COL11A1: variants seen among roughly 807,000 people sequenced by gnomAD.
The protein encoded by COL11A1 is collagen type XI alpha 1 chain.
COL11A1 carries 74 observed loss-of-function variants against 265.2 expected under a neutral mutation model. The ratio of observed to expected loss-of-function variants is 0.28; its 90% CI spans 0.23 to 0.34. The LOEUF is 0.34. COL11A1 is among the 10% of genes least tolerant of loss of function. The pLI is 1.00. For synonymous variants in COL11A1, 816 were observed against 727.6 expected (o/e 1.12, Z -1.96); for missense variants, 2,165 against 2,263.6 (o/e 0.96, Z 0.88).
chr1:102,983,727 A>T (rs1270085101), intron 31 of COL11A1, among the ~76,000 whole-genome samples: 1 of 152,072 alleles, frequency 6.6e-6, no homozygotes, highest in African/African-American at 2.4e-5. Context: ...CTGGAAAAAA[A>T]ATACTCATGG....
At chr1:103,107,975 T>TC in intron 1 of COL11A1, 98 bp downstream of exon 1, 1 of 846,760 alleles carries the variant, frequency 1.2e-6, no homozygotes, top group Non-Finnish European at 1.9e-6. Flanking sequence ...TTTTTTTTTT[T>TC]CTTGAAGAGC....
chr1:102,882,016 G>A (rs1023133169), intron 64 of COL11A1, among the ~76,000 whole-genome samples: 2 of 152,080 alleles, frequency 1.3e-5, no homozygotes, highest in Non-Finnish European at 2.9e-5. Context: ...AAAGGAAAAG[G>A]GGAAAGACAA....
rs1229091571 is a variant in COL11A1, at chr1:103,071,861, A to G, written c.651+2757T>C. Among the ~76,000 whole-genome samples the G allele has an allele frequency of 1.9e-4, 10 of 51,750 alleles. No homozygotes were observed. The East Asian group carries it at 5.6e-3, about 29-fold the overall frequency. The allele number at this position is 51,750 out of a possible 152,430, so 34.0% of individuals were successfully genotyped here. ...ACATACAACCACATTTATATTACAT[A>G]TGTGTTTGTATATATATATATATAT... On this transcript the variant is annotated intron_variant, in intron 4 of 66. Transcript: ENST00000370096.
chr1:103,030,048 A>G (rs574123276), intron 5 of COL11A1, among the ~76,000 whole-genome samples: 44 of 152,202 alleles, frequency 2.9e-4, no homozygotes, highest in African/African-American at 9.4e-4. Context: ...TCTTAGATAT[A>G]AAAACACTAA....
intron 4 of COL11A1, among the ~76,000 whole-genome samples, chr1:103,055,112 T>G (rs1030905033): frequency 6.6e-6 from 1 of 152,158 alleles, no homozygotes; most frequent in East Asian, 1.9e-4. Flanking sequence ...AAAACCAAAA[T>G]TCAAGCCAGG....
intron 26 of COL11A1, among the ~76,000 whole-genome samples, 185 bp from the exon 27 acceptor site, chr1:102,996,227 A>G (rs1038561251): frequency 6.6e-6 from 1 of 152,154 alleles, no homozygotes; most frequent in Non-Finnish European, 1.5e-5. Flanking sequence ...ACATGTAACT[A>G]GCACTACTCA....
intron 6 of COL11A1, chr1:103,025,943 ATTTC>A (rs766367265): frequency 6.2e-7 from 1 of 1,611,762 alleles, no homozygotes; most frequent in East Asian, 2.2e-5. Flanking sequence ...TTGAAATTGG[ATTTC>A]TTTTTCTGTA....
At chr1:102,941,601 GC>G (rs1658729290) in intron 42 of COL11A1, among the ~76,000 whole-genome samples, 1 of 152,120 alleles carries the variant, frequency 6.6e-6, no homozygotes, top group African/African-American at 2.4e-5. Flanking sequence ...CTGTGACATT[GC>G]CTGAGCACAT....
At chr1:103,000,959 G>A (rs1470391371) in intron 24 of COL11A1, 3 of 386,614 alleles carry the variant, frequency 7.8e-6, no homozygotes, top group African/African-American at 6.2e-5. Flanking sequence ...GTATGCTACA[G>A]CATGGATGAA....
intron 57 of COL11A1, among the ~76,000 whole-genome samples, chr1:102,893,771 A>G (rs1369025724): frequency 6.6e-6 from 1 of 152,144 alleles, no homozygotes; most frequent in African/African-American, 2.4e-5. Context: ...TTAAAATATA[A>G]AATTGTGGAA....
At chr1:103,049,145 G>A (rs978912255) in intron 4 of COL11A1, among the ~76,000 whole-genome samples, 21 of 152,108 alleles carry the variant, frequency 1.4e-4, no homozygotes, top group African/African-American at 3.4e-4. Flanking sequence ...TTCAATTCCT[G>A]GGTATCCTTG....
At chr1:102,878,503 T>TATATATATA (rs1553191037) in intron 66 of COL11A1, among the ~76,000 whole-genome samples, 32 of 127,314 alleles carry the variant, frequency 2.5e-4, no homozygotes, top group South Asian at 5.1e-4. Flanking sequence ...TATATATATA[T>TATATATATA]TCTTTTTCTT....
At chr1:102,949,117 A>G (rs1228965099) in intron 41 of COL11A1, among the ~76,000 whole-genome samples, 1 of 152,098 alleles carries the variant, frequency 6.6e-6, no homozygotes, top group East Asian at 1.9e-4. Flanking sequence ...TTGGTAACAG[A>G]AACACATCAA....
chr1:102,883,243 A>G lies in COL11A1; in HGVS notation c.4927T>C (p.Ser1643Pro), dbSNP rs1323227249. The G allele has an allele frequency of 6.2e-7, 1 of 1,613,552 alleles. No homozygotes were observed. The highest frequency in any genetic ancestry group is 8.5e-7 in the Non-Finnish European group (1 of 1,179,752). Reference protein sequence around the residue: ...DSFKVYCNFTSGGETCIYPDK... With the variant: ...DSFKVYCNFTPGGETCIYPDK... ...GGATAAATGCAAGTCTCACCACCAGATGTGAAATTACAGTAAACTTTGAAG... is the reference window on the plus strand; with the variant it reads ...GGATAAATGCAAGTCTCACCACCAGGTGTGAAATTACAGTAAACTTTGAAG... Residue 1643 changes from serine (S) to proline (P), a missense_variant, in exon 64 of 67, where the codon TCT (serine) becomes CCT (proline). By Grantham distance (74) the Ser-to-Pro change is moderately conservative. Coordinates refer to ENST00000370096, the MANE Select transcript of COL11A1 (RefSeq NM_001854.4).
chr1:102,898,712 G>A lies in COL11A1; in HGVS notation c.4202C>T (p.Ala1401Val). 3 of 1,612,896 alleles carry A rather than the reference G, an allele frequency of 1.9e-6. No individual in the cohort carries two copies. Among genetic ancestry groups the A allele is most frequent in the South Asian group, 1.1e-5 (1 of 91,060 alleles). ...KTGPVGPQGP[A>V]GKPGPEGLRG... The stretch of plus-strand genomic sequence containing the variant: ...AAGACCTTCTGGACCAGGCTTTCCT[G>A]CAGGTCCCTGAGGACCGACTGGGCC... Residue 1401 changes from alanine (A) to valine (V), a missense_variant, in exon 56 of 67, where the codon GCA becomes GTA. Transcript: ENST00000370096.
intron 65 of COL11A1, among the ~76,000 whole-genome samples, chr1:102,880,758 T>C (rs367805135): frequency 1.3e-5 from 2 of 152,206 alleles, no homozygotes; most frequent in East Asian, 3.9e-4. Flanking sequence ...TATTTGTTAC[T>C]TTCTTCCTTA....
At chr1:103,019,562 G>A (rs13375668) in intron 9 of COL11A1, among the ~76,000 whole-genome samples, 20,883 of 148,096 alleles carry the variant, frequency 0.14, 1,532 homozygotes, top group African/African-American at 0.16. Context: ...TGGCCAACAA[G>A]GTCCTTAAAA....
In COL11A1 at chr1:103,103,167, G is replaced by GT. The variant is rs200718975; in HGVS notation, c.106+4905dup. The stretch of plus-strand genomic sequence containing the variant: ...TATTTTTTTCTTCAGTTTGCCACTT[G>GT]TTTAAAAAAAAACTGTTAAACAAAC... On this transcript the variant is annotated intron_variant, in intron 1 of 66. Transcript: ENST00000370096. Among the ~76,000 whole-genome samples, 4 of 151,804 alleles carry GT rather than the reference G, an allele frequency of 2.6e-5. No homozygotes were observed. In the East Asian group the frequency reaches 5.8e-4, roughly 22 times the overall value.
intron 9 of COL11A1, 135 bp downstream of exon 9, chr1:103,021,572 T>C: frequency 2.9e-6 from 2 of 687,178 alleles, no homozygotes; most frequent in South Asian, 3.2e-5. Context: ...TTAACTTACT[T>C]ATTTGTGGTG....
Sources: allele counts gnomAD v4.1 joint callset (sites outside exome capture counted in the v4.1 genomes callset), GRCh38; gene constraint gnomAD v4.1.1; transcripts MANE v1.5; gene names NCBI Gene and HGNC (gene_info 2026-07-23, HGNC 2026-07-21).